The following PMPCB variants were observed in gnomAD, a reference collection of about 807,000 sequenced individuals.
PMPCB encodes the protein peptidase, mitochondrial processing subunit beta.
Under a neutral mutation model 61.5 loss-of-function variants are expected in PMPCB, and 46 were observed. The observed-to-expected ratio is 0.75, with a 90% CI of 0.59 to 0.96. The LOEUF is 0.96. Ranked by LOEUF, PMPCB falls within the 40% of genes least tolerant of loss-of-function variation. The probability of loss-of-function intolerance (pLI) is 0.00; values close to 1 mark genes in which losing one functional copy is unlikely to be tolerated. For missense variants in PMPCB, 590 were observed against 602.4 expected (o/e 0.98, Z 0.22); for synonymous variants, 191 against 201.6 (o/e 0.95, Z 0.44).
At chr7:103,317,337 C>G (rs558940359), downstream of PMPCB, 2 of 253,930 alleles carry the variant, frequency 7.9e-6, no homozygotes, top group East Asian at 1.6e-4. Flanking sequence ...TTTCAAACCT[C>G]TCTTCAAACT....
downstream of PMPCB, among the ~76,000 whole-genome samples, chr7:103,319,240 C>T (rs1022008855): frequency 6.6e-6 from 1 of 152,106 alleles, no homozygotes; most frequent in African/African-American, 2.4e-5. Flanking sequence ...AATTCAAGAC[C>T]AGCCTGACCA....
chr7:103,332,097 C>A (rs1053243493), downstream of PMPCB, among the ~76,000 whole-genome samples: 13 of 151,444 alleles, frequency 8.6e-5, no homozygotes, highest in Admixed American at 2.6e-4. Flanking sequence ...CTCTGCCTCT[C>A]GGGTTCATGC....
intron 5 of PMPCB, among the ~76,000 whole-genome samples, 181 bp downstream of exon 5, chr7:103,304,221 C>T (rs574502250): frequency 3.9e-5 from 6 of 152,254 alleles, no homozygotes; most frequent in East Asian, 1.9e-4. Flanking sequence ...ATAGGTACTT[C>T]GGGAATAAAC....
At chr7:103,337,821 A>C in the PMPCB span, 1 of 1,611,094 alleles carries the variant, frequency 6.2e-7, no homozygotes, top group Non-Finnish European at 8.5e-7. Flanking sequence ...TCTGGAAAAA[A>C]AACACAAAAG....
chr7:103,311,505 T>C, intron 9 of PMPCB, 138 bp from the exon 10 acceptor site: 2 of 634,172 alleles, frequency 3.2e-6, no homozygotes, highest in South Asian at 2.1e-5. Flanking sequence ...AAAATAATCA[T>C]TTTAGCTTTT....
intron 12 of PMPCB, among the ~76,000 whole-genome samples, chr7:103,327,910 A>G (rs1365648107): frequency 6.6e-6 from 1 of 152,118 alleles, no homozygotes; most frequent in African/African-American, 2.4e-5. Context: ...TTATAGAGAA[A>G]CTGATTTATT....
chr7:103,316,031 A>C, downstream of PMPCB: 1 of 1,603,646 alleles, frequency 6.2e-7, no homozygotes, highest in Non-Finnish European at 8.5e-7. Flanking sequence ...CATCTTTGGC[A>C]GTTCTTTTGA....
downstream of PMPCB, chr7:103,316,393 A>G (rs1477462677): frequency 4.3e-6 from 1 of 233,430 alleles, no homozygotes; most frequent in Non-Finnish European, 8.2e-6. Context: ...TCTTCAGAAG[A>G]TCAATCATTC....
At position 103,313,612 on chromosome 7, in the gene PMPCB, G is replaced by C; in HGVS notation, c.*1341G>C. On this transcript the variant is annotated 3_prime_UTR_variant, in exon 13 of 13. Transcript: ENST00000249269. ...ATTAAGCCAAGTGCCCAAGGTACCA[G>C]TGCTGGAGAGGCAAGCTGAGATTAG... 1 of 984,778 alleles carries C rather than the reference G, an allele frequency of 1.0e-6. No homozygotes were observed. Among genetic ancestry groups the C allele is most frequent in the Non-Finnish European group, 1.2e-6 (1 of 829,344 alleles). 61.0% of individuals were successfully genotyped at this position (984,778 alleles called of 1,614,324 possible). A position where few individuals can be genotyped will look rare whatever the true frequency, so the allele number is the denominator to read the frequency against.
At chr7:103,319,596 G>A (rs778506913), downstream of PMPCB, 2 of 1,613,180 alleles carry the variant, frequency 1.2e-6, no homozygotes, top group Non-Finnish European at 1.7e-6. Flanking sequence ...GGAGTGATGT[G>A]TTCCTCTATT....
chr7:103,320,833 T>TC, intron 12 of PMPCB: 1 of 147,994 alleles, frequency 6.8e-6, no homozygotes, highest in Non-Finnish European at 1.3e-5. Context: ...AGCATGTCTT[T>TC]TTTTTTTTTT....
chr7:103,345,554 G>T, the PMPCB span, among the ~76,000 whole-genome samples: 2 of 151,284 alleles, frequency 1.3e-5, no homozygotes, highest in African/African-American at 2.4e-5. Flanking sequence ...TAGTAAATTA[G>T]AAAATAACTT....
At chr7:103,318,886 C>T (rs964965605), downstream of PMPCB, among the ~76,000 whole-genome samples, 1 of 152,118 alleles carries the variant, frequency 6.6e-6, no homozygotes, top group East Asian at 1.9e-4. Flanking sequence ...CCATAAACAT[C>T]TAATCCAACT....
chr7:103,309,022 A>G lies in PMPCB; in HGVS notation c.920A>G (p.His307Arg). The G allele has an allele frequency of 6.2e-7, 1 of 1,609,240 alleles. No individual in the cohort carries two copies. The stretch of plus-strand genomic sequence containing the variant: ...GCTGTTGAAGCTGTTGGTTGGGCAC[A>G]TCCAGATACAATCTGTCTCATGGTT... ...AIAVEAVGWA[H>R]PDTICLMVAN... The change falls in exon 8 of 13, where the codon CAT becomes CGT. Residue 307 changes from histidine to arginine, a missense_variant. Transcript: ENST00000249269.
At chr7:103,316,683 A>G, downstream of PMPCB, 2 of 655,996 alleles carry the variant, frequency 3.0e-6, no homozygotes, top group South Asian at 3.9e-5. Flanking sequence ...CAGCTTCAAA[A>G]TGCACCTCAC....
rs564041085 is a variant in PMPCB, at chr7:103,297,656, G to T, written c.99+98G>T. 1.7e-5 allele frequency: 27 copies of T among 1,562,470 alleles called. No individual in the cohort carries two copies. The East Asian group carries it at 6.2e-4, about 36-fold the overall frequency. On this transcript the variant is annotated intron_variant, in intron 1 of 12. Transcript: ENST00000249269. ...GCCACAGATCCGAACAGTGGGTCGG[G>T]CAGGGCCTCCTCGACCCGGACCCGC...
At chr7:103,339,762 C>T in the PMPCB span, among the ~76,000 whole-genome samples, 1 of 151,530 alleles carries the variant, frequency 6.6e-6, no homozygotes, top group African/African-American at 2.4e-5. Flanking sequence ...CCACCATGCC[C>T]GGTCCAGTGT....
Position 103,313,930 on chromosome 7 carries a change from C to T in PMPCB, c.*1659C>T, listed in dbSNP as rs988535172. On this transcript the variant is annotated 3_prime_UTR_variant, in exon 13 of 13. Transcript: ENST00000249269. ...TATGCAGTGACAACACAGACTAATA[C>T]TACCAGTAGCCTGACTACTACTAGA... The T allele has an allele frequency of 4.0e-5, 39 of 985,404 alleles. No individual in the cohort carries two copies. In the African/African-American group the frequency reaches 6.1e-4, roughly 15 times the overall value. The allele number at this position is 985,404 out of a possible 1,614,324, so 61.0% of individuals were successfully genotyped here. A position where few individuals can be genotyped will look rare whatever the true frequency, so the allele number is the denominator to read the frequency against.
Position 103,314,110 on chromosome 7 carries a change from T to C in PMPCB, c.*1839T>C, listed in dbSNP as rs1336567190. 1.0e-6 allele frequency: 1 copy of C among 985,308 alleles called. No homozygotes were observed. The highest frequency in any genetic ancestry group is 1.2e-6 in the Non-Finnish European group (1 of 829,922). The allele number at this position is 985,308 out of a possible 1,614,324, so 61.0% of individuals were successfully genotyped here. A position where few individuals can be genotyped will look rare whatever the true frequency, so the allele number is the denominator to read the frequency against. On this transcript the variant is annotated 3_prime_UTR_variant, in exon 13 of 13. Coordinates refer to ENST00000249269, the MANE Select transcript of PMPCB (RefSeq NM_004279.3). ...AATATTTGATGGTACCTAAGGTGCCTAAGAAGCTTTTTTGAAGGTAGCTTT... is the reference window on the plus strand; with the variant it reads ...AATATTTGATGGTACCTAAGGTGCCCAAGAAGCTTTTTTGAAGGTAGCTTT...
Sources: gnomAD v4.1 joint callset for allele counts (sites outside exome capture counted in the v4.1 genomes callset) on GRCh38, gnomAD v4.1.1 for gene constraint, MANE v1.5 for transcripts, NCBI Gene and HGNC (gene_info 2026-07-23, HGNC 2026-07-21) for gene names.